TTYH1: variants seen among roughly 807,000 people sequenced by gnomAD.
TTYH1 encodes tweety family member 1, also known as protein tweety homolog 1.
TTYH1 carries 33 observed loss-of-function variants against 61.2 expected under a neutral mutation model. The ratio of observed to expected loss-of-function variants is 0.54; its 90% CI spans 0.41 to 0.72. The LOEUF (loss-of-function observed/expected upper bound fraction) is 0.72, where lower values mean the gene tolerates loss of function less well. Among genes scored for constraint, TTYH1 ranks in the 30% least tolerant of loss-of-function variants. The pLI, the probability that TTYH1 is intolerant of heterozygous loss-of-function variation, is 0.00. For missense variants in TTYH1, 538 were observed against 575.8 expected, an observed-to-expected ratio of 0.93 and a Z score of 0.67; for synonymous variants, 308 against 266.4, an observed-to-expected ratio of 1.16 and a Z score of -1.52.
intron 10 of TTYH1, chr19:54,433,429 A>C (rs28576683): frequency 6.6e-6 from 1 of 151,728 alleles, no homozygotes; most frequent in Non-Finnish European, 1.5e-5. Context: ...GCGTGGTGGC[A>C]CACCCCTGTA....
chr19:54,429,852 T>A lies in TTYH1; in HGVS notation c.808-30T>A, dbSNP rs1179720837. 4 of 1,608,644 alleles carry A rather than the reference T, an allele frequency of 2.5e-6. No individual in the cohort carries two copies. Among genetic ancestry groups the A allele is most frequent in the East Asian group, 4.5e-5 (2 of 44,844 alleles). On this transcript the variant is annotated intron_variant, in intron 6 of 13. Coordinates refer to ENST00000376530, the MANE Select transcript of TTYH1 (RefSeq NM_020659.4). This position sits in a 1 kb window ranked among gnomAD's most constrained non-coding sequence, Gnocchi z 5.1. ...AGTGTGGAATCGGGGCAGTTTTGGG[T>A]TTGAGCCCCTTTTCTGCTGCCTCAC... is the stretch of plus-strand genomic sequence containing the variant.
intron 1 of TTYH1, among the ~76,000 whole-genome samples, chr19:54,417,232 ACACT>A (rs1459675747): frequency 2.0e-5 from 3 of 150,728 alleles, no homozygotes; most frequent in African/African-American, 2.4e-5. Context: ...TTATTCCAAC[ACACT>A]CACATGCACA....
intron 4 of TTYH1, among the ~76,000 whole-genome samples, chr19:54,424,726 A>C (rs1372728175): frequency 6.6e-6 from 1 of 152,166 alleles, no homozygotes; most frequent in Non-Finnish European, 1.5e-5. Context: ...TCGACAGACA[A>C]ATCAGGGGCC....
At chr19:54,425,271 C>T (rs960349775) in intron 4 of TTYH1, among the ~76,000 whole-genome samples, 15 of 152,046 alleles carry the variant, frequency 9.9e-5, no homozygotes, top group South Asian at 2.1e-4. Context: ...TGGTGGACGG[C>T]GAGCGAAAGC....
At chr19:54,433,997 C>A (rs2122953905) in intron 10 of TTYH1, among the ~76,000 whole-genome samples, 1 of 152,244 alleles carries the variant, frequency 6.6e-6, no homozygotes, top group Non-Finnish European at 1.5e-5. Context: ...CAGGTCCGTA[C>A]CCCAACCCTC....
chr19:54,415,554 TG>T lies in TTYH1; in HGVS notation c.7del (p.Ala3?), dbSNP rs1437230644. MGAPPGYRPSA... is the reference protein window; with the variant it reads XGAPPGYRPSA... ...CCGCTGCCCCCTCCCCCGGGGGCCATGGGGGCGCCCCCGGGCTACCGGCCCT... is the reference window on the plus strand; with the variant it reads ...CCGCTGCCCCCTCCCCCGGGGGCCATGGGGCGCCCCCGGGCTACCGGCCCT... On this transcript the variant is annotated frameshift_variant and start_lost, in exon 1 of 14. Coordinates refer to ENST00000376530, the MANE Select transcript of TTYH1 (RefSeq NM_020659.4). LOFTEE classifies it high-confidence loss of function. This position sits in a 1 kb window ranked among gnomAD's most constrained non-coding sequence, Gnocchi z 5.2. 4 of 1,466,550 alleles carry T rather than the reference TG, an allele frequency of 2.7e-6. No individual in the cohort carries two copies. Among genetic ancestry groups the T allele is most frequent in the Admixed American group, 2.4e-5 (1 of 41,918 alleles). The allele number at this position is 1,466,550 out of a possible 1,614,324, so 90.8% of individuals were successfully genotyped here. A position where few individuals can be genotyped will look rare whatever the true frequency, so the allele number is the denominator to read the frequency against.
chr19:54,422,380 C>T lies in TTYH1; in HGVS notation c.608C>T (p.Ala203Val). 6.4e-7 allele frequency: 1 copy of T among 1,571,884 alleles called. No individual in the cohort carries two copies. Among genetic ancestry groups the T allele is most frequent in the Non-Finnish European group, 8.6e-7 (1 of 1,158,638 alleles). Residue 203 changes from alanine to valine, a missense_variant, in exon 4 of 14, where the codon GCT (alanine) becomes GTT (valine). This residue lies in a region of TTYH1 where 378 missense variants were observed against 401.2 expected (regional missense o/e 0.94). Coordinates refer to ENST00000376530, the MANE Select transcript of TTYH1 (RefSeq NM_020659.4). ...QGVPLSPLQV[A>V]ENVSFVEEYR... ...GTGCCCCTGAGCCCCCTGCAGGTGG[C>T]TGAAAATGTGTCCTTTGTGGAGGAG... is the stretch of plus-strand genomic sequence containing the variant.
chr19:54,431,481 T>A, intron 10 of TTYH1: 1 of 401,482 alleles, frequency 2.5e-6, no homozygotes. Context: ...TCCTGCCACC[T>A]TTTCCTTCCT....
At chr19:54,423,429 C>G (rs2083259406) in intron 4 of TTYH1, among the ~76,000 whole-genome samples, 1 of 152,098 alleles carries the variant, frequency 6.6e-6, no homozygotes, top group East Asian at 1.9e-4. Flanking sequence ...AACTCCTGAC[C>G]TTGTGATCTG....
Position 54,420,610 on chromosome 19 carries a change from G to C in TTYH1, c.306-667G>C, listed in dbSNP as rs1033570999. 1 of 162,370 alleles carries C rather than the reference G, an allele frequency of 6.2e-6. No homozygotes were observed. The highest frequency in any genetic ancestry group is 1.5e-5 in the Non-Finnish European group (1 of 68,324). 10.1% of individuals were successfully genotyped at this position (162,370 alleles called of 1,614,324 possible). A position where few individuals can be genotyped will look rare whatever the true frequency, so the allele number is the denominator to read the frequency against. On this transcript the variant is annotated intron_variant, in intron 2 of 13. Coordinates refer to ENST00000376530, the MANE Select transcript of TTYH1 (RefSeq NM_020659.4). This position sits in a 1 kb window ranked among gnomAD's most constrained non-coding sequence, Gnocchi z 4.8. ...TTCAGGTCCCACAATGGAGCTCTGT[G>C]TGTCGGTAGGGTGGGGGCGGGGGCA...
In TTYH1 at chr19:54,434,525, C is replaced by G. The variant is rs2083500609; in HGVS notation, c.1126-1017C>G. The G allele has an allele frequency of 6.6e-6, 1 of 152,414 alleles. No homozygotes were observed. The highest frequency in any genetic ancestry group is 1.5e-5 in the Non-Finnish European group (1 of 68,232). 9.4% of individuals were successfully genotyped at this position (152,414 alleles called of 1,614,324 possible). On this transcript the variant is annotated intron_variant, in intron 10 of 13. Coordinates refer to ENST00000376530, the MANE Select transcript of TTYH1 (RefSeq NM_020659.4). The surrounding 1 kb of genome is among the most constrained non-coding windows in gnomAD (Gnocchi z 4.3). Reference sequence around the variant, plus strand: ...CCCTGCACTGACCCCCGCCCTCCTACCTCGTTGCACACCAGCCTCTGAGAT... The same window carrying G: ...CCCTGCACTGACCCCCGCCCTCCTAGCTCGTTGCACACCAGCCTCTGAGAT...
At chr19:54,435,504 G>A in intron 10 of TTYH1, 38 bp from the exon 11 acceptor site, 1 of 1,557,364 alleles carries the variant, frequency 6.4e-7, no homozygotes, top group Non-Finnish European at 8.7e-7. Flanking sequence ...ATGGGGGAGG[G>A]GGTGGGGACG....
chr19:54,425,214 C>T (rs1040863832), intron 4 of TTYH1, among the ~76,000 whole-genome samples: 4 of 152,176 alleles, frequency 2.6e-5, no homozygotes, highest in Non-Finnish European at 4.4e-5. Context: ...CTGCCGGATC[C>T]GGAGGGTGGA....
In TTYH1 at chr19:54,429,352, C is replaced by T; in HGVS notation, c.780C>T (p.Ser260=). The part of the protein sequence containing the change: ...SLLVLVLSWG[S]MGLEAATAVG... ...TGGTTCTCGTCCTGAGCTGGGGCTCCATGGGCCTGGAGGCAGCCACGGCCG... is the reference window on the plus strand; with the variant it reads ...TGGTTCTCGTCCTGAGCTGGGGCTCTATGGGCCTGGAGGCAGCCACGGCCG... The change falls in exon 6 of 14, where the codon TCC becomes TCT. Residue 260 remains serine (S), a synonymous_variant. Transcript: ENST00000376530. This position sits in a 1 kb window ranked among gnomAD's most constrained non-coding sequence, Gnocchi z 5.1. 6.2e-7 allele frequency: 1 copy of T among 1,614,074 alleles called. No individual in the cohort carries two copies.
chr19:54,426,802 C>T (rs2083328789), intron 5 of TTYH1, 34 bp downstream of exon 5: 3 of 1,583,870 alleles, frequency 1.9e-6, no homozygotes, highest in Admixed American at 3.3e-5. Flanking sequence ...CCAGTGCTTG[C>T]CTGGCACTCT....
chr19:54,436,000 G>A lies in TTYH1; in HGVS notation c.1315-91G>A, dbSNP rs1417798426. On this transcript the variant is annotated intron_variant, in intron 12 of 13. Transcript: ENST00000376530. ...GAGGGGCTGGGGCCCGGACTCCTGGGTCTGAGGGAGGAGGGGCTGGGGTCC... is the reference window on the plus strand; with the variant it reads ...GAGGGGCTGGGGCCCGGACTCCTGGATCTGAGGGAGGAGGGGCTGGGGTCC... The A allele has an allele frequency of 1.2e-5, 19 of 1,574,466 alleles. No individual in the cohort carries two copies. In the East Asian group the frequency reaches 3.8e-4, roughly 32 times the overall value.
intron 7 of TTYH1, 44 bp from the exon 8 acceptor site, chr19:54,430,506 G>T: frequency 6.2e-7 from 1 of 1,605,900 alleles, no homozygotes; most frequent in Non-Finnish European, 8.5e-7. Context: ...GATCCCTGGG[G>T]GCCCAGGCTC....
In TTYH1 at chr19:54,416,836, T is replaced by A. The variant is rs2083088720; in HGVS notation, c.126+1158T>A. On this transcript the variant is annotated intron_variant, in intron 1 of 13. Transcript: ENST00000376530. This position sits in a 1 kb window ranked among gnomAD's most constrained non-coding sequence, Gnocchi z 7.0. ...CCTCCAACAACGCCGCTCCACCGGC[T>A]CCGGCCTCGGCCCAGACTCACGCCC... The A allele has an allele frequency of 7.7e-7, 1 of 1,293,182 alleles. No homozygotes were observed. The allele number at this position is 1,293,182 out of a possible 1,614,324, so 80.1% of individuals were successfully genotyped here. A position where few individuals can be genotyped will look rare whatever the true frequency, so the allele number is the denominator to read the frequency against.
At chr19:54,430,238 AAG>A (rs746888399) in intron 7 of TTYH1, among the ~76,000 whole-genome samples, 63 of 152,266 alleles carry the variant, frequency 4.1e-4, no homozygotes, top group Admixed American at 1.0e-3. Flanking sequence ...TGGTGCCAGG[AAG>A]AGAGAGGAGG....
Sources: gnomAD v4.1 joint callset for allele counts (sites outside exome capture counted in the v4.1 genomes callset) on GRCh38, gnomAD v4.1.1 for gene constraint, gnomAD v4.1.1 regional missense constraint, Gnocchi (gnomAD v3.1) non-coding constraint, MANE v1.5 for transcripts, NCBI Gene and HGNC (gene_info 2026-07-23, HGNC 2026-07-21) for gene names.